ATRNL1: variants seen among roughly 807,000 people sequenced by gnomAD.
The protein encoded by ATRNL1 is attractin-like protein 1.
ATRNL1 carries 95 observed loss-of-function variants against 182.7 expected under a neutral mutation model. The observed-to-expected ratio is 0.52, with a 90% CI of 0.44 to 0.62. The LOEUF is 0.62. ATRNL1 is among the 20% of genes least tolerant of loss of function. ATRNL1 has a pLI of 0.00. For missense variants in ATRNL1, 1,471 were observed against 1,679.5 expected, an observed-to-expected ratio of 0.88 and a Z score of 2.17; for synonymous variants, 576 against 568.3, an observed-to-expected ratio of 1.01 and a Z score of -0.19.
At chr10:115,145,006 C>A (rs1440621647) in intron 5 of ATRNL1, among the ~76,000 whole-genome samples, 1 of 152,042 alleles carries the variant, frequency 6.6e-6, no homozygotes, top group East Asian at 1.9e-4. Flanking sequence ...ATAAAATGGG[C>A]AGTTTAACTT....
At chr10:115,384,073 C>A (rs1305663016) in intron 19 of ATRNL1, among the ~76,000 whole-genome samples, 5 of 151,938 alleles carry the variant, frequency 3.3e-5, no homozygotes, top group African/African-American at 1.2e-4. Context: ...TTAGTATTAT[C>A]TTCATTTCAT....
intron 15 of ATRNL1, among the ~76,000 whole-genome samples, chr10:115,296,226 A>G (rs1853179389): frequency 6.6e-6 from 1 of 152,190 alleles, no homozygotes; most frequent in African/African-American, 2.4e-5. Context: ...TGGAGAAGAC[A>G]GGGCAAAGGC....
At chr10:115,729,184 C>G (rs1947709913) in intron 27 of ATRNL1, among the ~76,000 whole-genome samples, 1 of 151,916 alleles carries the variant, frequency 6.6e-6, no homozygotes, top group South Asian at 2.1e-4. Flanking sequence ...TGTTAGGTAC[C>G]CATGTGTTCA....
intron 26 of ATRNL1, among the ~76,000 whole-genome samples, chr10:115,611,016 A>G (rs1412949068): frequency 1.3e-5 from 2 of 151,604 alleles, no homozygotes; most frequent in African/African-American, 2.4e-5. Context: ...GTTTCAAAAT[A>G]TGAATCTTTT....
At chr10:115,855,440 T>C (rs1330592518) in intron 28 of ATRNL1, among the ~76,000 whole-genome samples, 2 of 152,200 alleles carry the variant, frequency 1.3e-5, no homozygotes, top group African/African-American at 2.4e-5. Flanking sequence ...TGCTATGTTC[T>C]TTTCTTTTTT....
chr10:115,407,128 G>A (rs1334640290), intron 20 of ATRNL1, among the ~76,000 whole-genome samples: 3 of 151,938 alleles, frequency 2.0e-5, no homozygotes, highest in Middle Eastern at 3.4e-3. Flanking sequence ...AAATTGACAC[G>A]ATAATGGTAC....
intron 10 of ATRNL1, among the ~76,000 whole-genome samples, chr10:115,247,963 A>T (rs1325358389): frequency 6.6e-6 from 1 of 152,148 alleles, no homozygotes; most frequent in African/African-American, 2.4e-5. Context: ...TGTGGAAGCT[A>T]AAAAAAGTTC....
intron 17 of ATRNL1, 74 bp downstream of exon 17, chr10:115,302,117 TA>T: frequency 7.6e-7 from 1 of 1,315,174 alleles, no homozygotes; most frequent in Non-Finnish European, 1.0e-6. Flanking sequence ...AAAGAAGAAT[TA>T]AATATTTGAA....
intron 28 of ATRNL1, among the ~76,000 whole-genome samples, chr10:115,916,535 C>T (rs1413615215): frequency 6.6e-6 from 1 of 152,202 alleles, no homozygotes; most frequent in African/African-American, 2.4e-5. Context: ...TTTCAGCTCT[C>T]CCTCGCCTCA....
intron 24 of ATRNL1, among the ~76,000 whole-genome samples, chr10:115,493,300 T>C (rs782450349): frequency 1.3e-5 from 2 of 152,154 alleles, no homozygotes; most frequent in Non-Finnish European, 2.9e-5. Context: ...TTGTGTATAT[T>C]GTTCCCTTCT....
chr10:115,850,428 TA>T (rs1555100191), intron 28 of ATRNL1, among the ~76,000 whole-genome samples: 2 of 152,152 alleles, frequency 1.3e-5, no homozygotes, highest in Non-Finnish European at 2.9e-5. Context: ...ACTAAGTGAC[TA>T]TTTTTTTCAG....
intron 28 of ATRNL1, among the ~76,000 whole-genome samples, chr10:115,871,483 A>ATG (rs1555106109): frequency 1.5e-5 from 2 of 132,008 alleles, no homozygotes; most frequent in East Asian, 3.9e-4. Flanking sequence ...GTGTGTGTAT[A>ATG]TATATATATA....
intron 28 of ATRNL1, among the ~76,000 whole-genome samples, chr10:115,905,923 T>C (rs1214464684): frequency 6.6e-6 from 1 of 152,220 alleles, no homozygotes; most frequent in Non-Finnish European, 1.5e-5. Flanking sequence ...CTATATCAGC[T>C]TAGTTGAAGA....
At chr10:115,864,419 G>T (rs1318077919) in intron 28 of ATRNL1, among the ~76,000 whole-genome samples, 1 of 152,172 alleles carries the variant, frequency 6.6e-6, no homozygotes, top group African/African-American at 2.4e-5. Context: ...AACCATTGAT[G>T]AAATCTAAAG....
At position 115,207,038 on chromosome 10, in the gene ATRNL1, C is replaced by CTA. The variant is rs200478772; in HGVS notation, c.1349-8658_1349-8657dup. ...TGAACTCATCCTTTTTTATGGCTGG[C>CTA]TAGTATTCCATGGTGTATATGTGCC... On this transcript the variant is annotated intron_variant, in intron 8 of 28. Transcript: ENST00000355044. Among the ~76,000 whole-genome samples the CTA allele has an allele frequency of 4.5e-3, 681 of 152,110 alleles. 8 individuals are homozygous for CTA. The highest frequency in any genetic ancestry group is 0.015 in the African/African-American group (639 of 41,512).
At chr10:115,117,329 C>T (rs984758613) in intron 1 of ATRNL1, among the ~76,000 whole-genome samples, 1 of 151,800 alleles carries the variant, frequency 6.6e-6, no homozygotes, top group Non-Finnish European at 1.5e-5. Context: ...ACCCCTTAAC[C>T]ATCCCTACCT....
chr10:115,825,662 G>T (rs1283744347), intron 27 of ATRNL1, among the ~76,000 whole-genome samples: 1 of 152,066 alleles, frequency 6.6e-6, no homozygotes, highest in South Asian at 2.1e-4. Flanking sequence ...CCTGTTAATC[G>T]TCAGTGTGTT....
chr10:115,527,926 C>G (rs1192243664), intron 25 of ATRNL1, among the ~76,000 whole-genome samples: 3 of 73,604 alleles, frequency 4.1e-5, no homozygotes, highest in Non-Finnish European at 8.2e-5. Context: ...CTCCCTTCCT[C>G]CCTCCTTCCT....
intron 28 of ATRNL1, among the ~76,000 whole-genome samples, chr10:115,853,665 C>T (rs1951107454): frequency 6.6e-6 from 1 of 152,192 alleles, no homozygotes; most frequent in South Asian, 2.1e-4. Context: ...AATAGAACTA[C>T]TGAATTATAT....
Sources: allele counts gnomAD v4.1 joint callset (sites outside exome capture counted in the v4.1 genomes callset), GRCh38; gene constraint gnomAD v4.1.1; transcripts MANE v1.5; gene names NCBI Gene and HGNC (gene_info 2026-07-23, HGNC 2026-07-21).